The following PCP4L1 variants were observed in gnomAD, a reference collection of about 807,000 sequenced individuals.
The protein encoded by PCP4L1 is Purkinje cell protein 4-like protein 1.
PCP4L1 carries 9 observed loss-of-function variants against 9.6 expected under a neutral mutation model. The ratio of observed to expected loss-of-function variants is 0.94; its 90% CI spans 0.57 to 1.64. PCP4L1 has a LOEUF of 1.64. Among genes scored for constraint, PCP4L1 ranks in the 40% most tolerant of loss-of-function variants. PCP4L1 has a pLI of 0.00. For synonymous variants in PCP4L1, 31 were observed against 28.2 expected (o/e 1.10, Z -0.31); for missense variants, 81 against 80.8 (o/e 1.00, Z -0.01).
At chr1:161,269,512 A>C (rs1233664628) in intron 1 of PCP4L1, among the ~76,000 whole-genome samples, 1 of 152,190 alleles carries the variant, frequency 6.6e-6, no homozygotes, top group Non-Finnish European at 1.5e-5. Flanking sequence ...CCCTTCATTT[A>C]TTTAAAAAAT....
Position 161,258,924 on chromosome 1 carries a change from C to G in PCP4L1, c.-51C>G, listed in dbSNP as rs990954427. On this transcript the variant is annotated 5_prime_UTR_variant, in exon 1 of 3. Coordinates refer to ENST00000504449, the MANE Select transcript of PCP4L1 (RefSeq NM_001102566.2). ...GTCGCCCGCGGAGCCCCGAGGGCCA[C>G]TCGCCTCACCTGTGCGTGCAGCGCC... The G allele has an allele frequency of 1.5e-5, 23 of 1,534,934 alleles. No individual in the cohort carries two copies. The African/African-American group carries it at 2.9e-4, about 19-fold the overall frequency.
intron 1 of PCP4L1, among the ~76,000 whole-genome samples, chr1:161,263,705 C>T (rs1669458239): frequency 6.6e-6 from 1 of 151,576 alleles, no homozygotes; most frequent in South Asian, 2.1e-4. Context: ...CCTCAGCATC[C>T]CTTGTAGCTG....
In PCP4L1 at chr1:161,266,721, G is replaced by A. The variant is rs1317847565; in HGVS notation, c.9+7738G>A. On this transcript the variant is annotated intron_variant, in intron 1 of 2. Coordinates refer to ENST00000504449, the MANE Select transcript of PCP4L1 (RefSeq NM_001102566.2). ...TATATATATTAAGAGAGGAATGTGT[G>A]TATGTAGAACCTGCAGTAAGGATTC... Among the ~76,000 whole-genome samples the A allele has an allele frequency of 2.6e-5, 4 of 152,174 alleles. No homozygotes were observed. The East Asian group carries it at 5.8e-4, about 22-fold the overall frequency.
chr1:161,278,252 T>A (rs187361238), intron 1 of PCP4L1, among the ~76,000 whole-genome samples: 139 of 152,306 alleles, frequency 9.1e-4, no homozygotes, highest in South Asian at 4.8e-3. Flanking sequence ...CAGATCCAGC[T>A]TATTTTACCA....
At chr1:161,264,738 A>G (rs1017949198) in intron 1 of PCP4L1, among the ~76,000 whole-genome samples, 4 of 152,088 alleles carry the variant, frequency 2.6e-5, no homozygotes, top group African/African-American at 9.7e-5. Context: ...CTGAAGTAGG[A>G]GGATCTCTTG....
At chr1:161,259,043 C>A in intron 1 of PCP4L1, 60 bp downstream of exon 1, 2 of 1,518,304 alleles carry the variant, frequency 1.3e-6, no homozygotes, top group Admixed American at 4.0e-5. Flanking sequence ...TGCTGCGGCT[C>A]GGGATCCCAG....
At position 161,283,728 on chromosome 1, in the gene PCP4L1, T is replaced by C; in HGVS notation, c.64+6T>C. ...AGCTGGCCAAGAGGAAAAAGGTGAG[T>C]GGGGTTGGGCTAGGCAGTTTGTAGA... is the stretch of plus-strand genomic sequence containing the variant. On this transcript the variant is annotated splice_donor_region_variant and intron_variant, in intron 2 of 2. Transcript: ENST00000504449. 6.2e-7 allele frequency: 1 copy of C among 1,603,680 alleles called. No homozygotes were observed. Among genetic ancestry groups the C allele is most frequent in the East Asian group, 2.2e-5 (1 of 44,642 alleles).
At chr1:161,268,539 G>T in intron 1 of PCP4L1, among the ~76,000 whole-genome samples, 1 of 146,396 alleles carries the variant, frequency 6.8e-6, no homozygotes, top group African/African-American at 2.5e-5. Context: ...ATTTTTCTCT[G>T]GTTCCTTTTA....
intron 1 of PCP4L1, among the ~76,000 whole-genome samples, chr1:161,279,015 T>C (rs1368371819): frequency 6.6e-6 from 1 of 152,182 alleles, no homozygotes; most frequent in Non-Finnish European, 1.5e-5. Flanking sequence ...ACTCCTGGAC[T>C]CAAGCAATCC....
At chr1:161,261,927 T>G (rs1669424877) in intron 1 of PCP4L1, among the ~76,000 whole-genome samples, 2 of 152,210 alleles carry the variant, frequency 1.3e-5, no homozygotes, top group Admixed American at 1.3e-4. Context: ...ACACACTCTT[T>G]CCTGTGCACA....
intron 1 of PCP4L1, among the ~76,000 whole-genome samples, chr1:161,262,190 T>A (rs900574036): frequency 6.6e-6 from 1 of 152,078 alleles, no homozygotes; most frequent in African/African-American, 2.4e-5. Context: ...ATCCCAACAC[T>A]TGGGGAGGCC....
At chr1:161,272,118 T>C (rs902258672) in intron 1 of PCP4L1, among the ~76,000 whole-genome samples, 1 of 151,884 alleles carries the variant, frequency 6.6e-6, no homozygotes, top group Non-Finnish European at 1.5e-5. Context: ...ATTGTACATA[T>C]TCATGGGGGT....
intron 1 of PCP4L1, among the ~76,000 whole-genome samples, chr1:161,266,621 C>T (rs1669534476): frequency 1.3e-5 from 2 of 152,068 alleles, no homozygotes; most frequent in Non-Finnish European, 1.5e-5. Context: ...GACAAGGGGG[C>T]TTGGGAGCTA....
chr1:161,283,137 A>G (rs879221649), intron 1 of PCP4L1, among the ~76,000 whole-genome samples: 18 of 151,684 alleles, frequency 1.2e-4, no homozygotes, highest in African/African-American at 4.4e-4. Context: ...CTCCACTCCA[A>G]CTACACTGGT....
chr1:161,264,690 A>G (rs577629944), intron 1 of PCP4L1, among the ~76,000 whole-genome samples: 7 of 151,918 alleles, frequency 4.6e-5, no homozygotes, highest in African/African-American at 1.7e-4. Context: ...TTAGCTGGGC[A>G]TGGTGGCACA....
chr1:161,275,269 C>CTTTGGGG (rs1241485288), intron 1 of PCP4L1, among the ~76,000 whole-genome samples: 1 of 152,102 alleles, frequency 6.6e-6, no homozygotes, highest in Admixed American at 6.5e-5. Context: ...GTAATCCCAG[C>CTTTGGGG]ACTTTGGGAG....
chr1:161,282,647 G>T (rs1164144078), intron 1 of PCP4L1, among the ~76,000 whole-genome samples: 2 of 151,980 alleles, frequency 1.3e-5, no homozygotes, highest in African/African-American at 2.4e-5. Context: ...TCTTCTCTTG[G>T]ATAATTAATA....
chr1:161,259,117 C>A, intron 1 of PCP4L1, 134 bp downstream of exon 1: 1 of 1,300,254 alleles, frequency 7.7e-7, no homozygotes, highest in Non-Finnish European at 1.0e-6. Flanking sequence ...CCCCACTGCC[C>A]TCCTAGGAAA....
chr1:161,283,867 C>T (rs4255401), intron 2 of PCP4L1, 145 bp downstream of exon 2: 340,693 of 782,652 alleles, frequency 0.44, 77,672 homozygotes, highest in East Asian at 0.65. Context: ...TTTGGAACTA[C>T]AGTACTATAT....
Sources: gnomAD v4.1 joint callset for allele counts (sites outside exome capture counted in the v4.1 genomes callset) on GRCh38, gnomAD v4.1.1 for gene constraint, MANE v1.5 for transcripts, NCBI Gene and HGNC (gene_info 2026-07-23, HGNC 2026-07-21) for gene names.